FHAD1: variants seen among roughly 807,000 people sequenced by gnomAD.
The protein encoded by FHAD1 is forkhead associated phosphopeptide binding domain 1, also known as forkhead-associated domain-containing protein 1.
A neutral mutation model predicts 191.3 loss-of-function variants in FHAD1; 146 were observed. That is an observed-to-expected ratio of 0.76 (90% CI 0.67 to 0.88). FHAD1 has a LOEUF of 0.88. Among genes scored for constraint, FHAD1 ranks in the 40% least tolerant of loss-of-function variants. The pLI is 0.00. For missense variants in FHAD1, 1,635 were observed against 1,785.8 expected (o/e 0.92, Z 1.52); for synonymous variants, 616 against 672.3 (o/e 0.92, Z 1.29).
chr1:15,265,586 G>A (rs1050628629), intron 2 of FHAD1, among the ~76,000 whole-genome samples: 5 of 152,134 alleles, frequency 3.3e-5, no homozygotes, highest in African/African-American at 4.8e-5. Flanking sequence ...TCTTAATCAC[G>A]GCTTGACAGC....
chr1:15,340,479 C>G (rs560960763), intron 15 of FHAD1, among the ~76,000 whole-genome samples: 2 of 152,112 alleles, frequency 1.3e-5, no homozygotes, highest in South Asian at 4.1e-4. Context: ...CTCTCATCCC[C>G]CAGCAAGCAA....
chr1:15,248,225 G>T (rs1780600), intron 1 of FHAD1, among the ~76,000 whole-genome samples: 181 of 152,038 alleles, frequency 1.2e-3, no homozygotes, highest in Non-Finnish European at 2.1e-3. Context: ...CAGCGCTGGG[G>T]GCCAGAGGGG....
chr1:15,394,498 G>A (rs1705271233), intron 33 of FHAD1, among the ~76,000 whole-genome samples: 2 of 152,280 alleles, frequency 1.3e-5, no homozygotes, highest in African/African-American at 4.8e-5. Flanking sequence ...GGGCTGGTAT[G>A]GGACTGACTT....
At chr1:15,382,800 A>G (rs993561804) in intron 31 of FHAD1, among the ~76,000 whole-genome samples, 1 of 152,230 alleles carries the variant, frequency 6.6e-6, no homozygotes, top group Non-Finnish European at 1.5e-5. Flanking sequence ...CAAAGCCACA[A>G]TGCCGCCAGT....
At chr1:15,306,358 A>G (rs1162925531) in intron 6 of FHAD1, among the ~76,000 whole-genome samples, 1 of 152,376 alleles carries the variant, frequency 6.6e-6, no homozygotes, top group South Asian at 2.1e-4. Flanking sequence ...GAAAATTTGC[A>G]GCCTGATGAT....
At chr1:15,394,510 C>G (rs1383360375) in intron 33 of FHAD1, among the ~76,000 whole-genome samples, 1 of 152,194 alleles carries the variant, frequency 6.6e-6, no homozygotes, top group Non-Finnish European at 1.5e-5. Context: ...GACTGACTTA[C>G]CCTTTCTTGC....
chr1:15,249,092 G>T (rs190392238), intron 1 of FHAD1, among the ~76,000 whole-genome samples: 5 of 152,132 alleles, frequency 3.3e-5, no homozygotes, highest in African/African-American at 1.2e-4. Context: ...GGGCTCTCTT[G>T]GAACGTATCT....
In FHAD1 at chr1:15,382,805, G is replaced by A. The variant is rs1324174571; in HGVS notation, c.4188+612G>A. Among the ~76,000 whole-genome samples, 4 of 152,208 alleles carry A rather than the reference G, an allele frequency of 2.6e-5. No homozygotes were observed. In the East Asian group the frequency reaches 5.8e-4, roughly 22 times the overall value. ...GAGGGCCTGCCAAAGCCACAATGCCGCCAGTGACCGCAAAGGAGAGCTGGA... is the reference window on the plus strand; with the variant it reads ...GAGGGCCTGCCAAAGCCACAATGCCACCAGTGACCGCAAAGGAGAGCTGGA... On this transcript the variant is annotated intron_variant, in intron 31 of 33. Transcript: ENST00000688493.
At chr1:15,353,028 C>CCCTTCGCTGT in intron 20 of FHAD1, 44 bp downstream of exon 20, 1 of 1,396,876 alleles carries the variant, frequency 7.2e-7, no homozygotes, top group Non-Finnish European at 9.9e-7. Flanking sequence ...CCCAGCACAG[C>CCCTTCGCTGT]GAAGGGCAGT....
At chr1:15,354,978 G>A (rs1367069951) in intron 20 of FHAD1, among the ~76,000 whole-genome samples, 2 of 152,216 alleles carry the variant, frequency 1.3e-5, no homozygotes, top group African/African-American at 2.4e-5. Flanking sequence ...GGAGGCCAAG[G>A]TGGGTGGATC....
chr1:15,246,820 C>T (rs537590436), upstream of FHAD1, among the ~76,000 whole-genome samples: 3 of 152,158 alleles, frequency 2.0e-5, no homozygotes, highest in African/African-American at 7.2e-5. Context: ...ATCCCCTCTT[C>T]TTACTCTTTC....
chr1:15,260,731 T>C (rs1050674907), intron 2 of FHAD1, among the ~76,000 whole-genome samples: 1 of 152,246 alleles, frequency 6.6e-6, no homozygotes, highest in African/African-American at 2.4e-5. Context: ...CAGATTTCTC[T>C]GACCTCCCCG....
intron 31 of FHAD1, chr1:15,383,052 A>G (rs939654486): frequency 1.1e-5 from 5 of 464,996 alleles, no homozygotes; most frequent in African/African-American, 2.2e-5. Context: ...CATCTGTAGC[A>G]TGGTACAGGA....
At position 15,323,439 on chromosome 1, in the gene FHAD1, G is replaced by A. The variant is rs1020587927; in HGVS notation, c.1366-1013G>A. Among the ~76,000 whole-genome samples, 3 of 152,216 alleles carry A rather than the reference G, an allele frequency of 2.0e-5. No homozygotes were observed. The South Asian group carries it at 6.2e-4, about 32-fold the overall frequency. ...GTAAGTGAGGAAACTGAGGCCCAGCGAGCTTAGCCGGCCTTCCCGGGAAAC... is the reference window on the plus strand; with the variant it reads ...GTAAGTGAGGAAACTGAGGCCCAGCAAGCTTAGCCGGCCTTCCCGGGAAAC... On this transcript the variant is annotated intron_variant, in intron 10 of 33. Coordinates refer to ENST00000688493, the MANE Select transcript of FHAD1 (RefSeq NM_001391957.1).
At position 15,311,228 on chromosome 1, in the gene FHAD1, G is replaced by T. The variant is rs530408550; in HGVS notation, c.1040-1829G>T. 6.6e-6 allele frequency among the ~76,000 whole-genome samples: 1 copy of T among 152,130 alleles called. No homozygotes were observed. The highest frequency in any genetic ancestry group is 1.5e-5 in the Non-Finnish European group (1 of 67,996). ...GCACAGCTTGAGTTTGCTGGGTGGCGTGCCAGGCGGGAGGGGGCTGCACGG... is the reference window on the plus strand; with the variant it reads ...GCACAGCTTGAGTTTGCTGGGTGGCTTGCCAGGCGGGAGGGGGCTGCACGG... On this transcript the variant is annotated intron_variant, in intron 7 of 33. Transcript: ENST00000688493. The surrounding 1 kb of genome is among the most constrained non-coding windows in gnomAD (Gnocchi z 4.1).
chr1:15,260,881 C>T (rs1650707574), intron 2 of FHAD1, among the ~76,000 whole-genome samples: 1 of 152,244 alleles, frequency 6.6e-6, no homozygotes, highest in Non-Finnish European at 1.5e-5. Flanking sequence ...TGCACCATCC[C>T]TTTGCCATGT....
intron 1 of FHAD1, among the ~76,000 whole-genome samples, chr1:15,241,021 C>CTCAGA (rs1645304826): frequency 6.6e-6 from 1 of 151,570 alleles, no homozygotes; most frequent in East Asian, 1.9e-4. Flanking sequence ...CCAGTTGAGG[C>CTCAGA]TCAGATGAGA....
chr1:15,343,744 TC>T (rs778541300), intron 16 of FHAD1: 3 of 152,196 alleles, frequency 2.0e-5, no homozygotes, highest in Non-Finnish European at 4.4e-5. Flanking sequence ...CCAGCACCGT[TC>T]CATAGAGAAG....
At chr1:15,307,581 A>G (rs1670895612) in intron 6 of FHAD1, among the ~76,000 whole-genome samples, 1 of 152,182 alleles carries the variant, frequency 6.6e-6, no homozygotes, top group Admixed American at 6.5e-5. Context: ...GGTCTTTCTC[A>G]TGCTGTTCTA....
Sources: gnomAD v4.1 joint callset for allele counts (sites outside exome capture counted in the v4.1 genomes callset) on GRCh38, gnomAD v4.1.1 for gene constraint, Gnocchi (gnomAD v3.1) non-coding constraint, MANE v1.5 for transcripts, NCBI Gene and HGNC (gene_info 2026-07-23, HGNC 2026-07-21) for gene names.